Variants in MAGI2 observed in about 807,000 individuals in gnomAD.
MAGI2 encodes the protein membrane associated guanylate kinase, WW and PDZ domain containing 2, also known as membrane-associated guanylate kinase, WW and PDZ domain-containing protein 2.
MAGI2 carries 35 observed loss-of-function variants against 133.3 expected under a neutral mutation model. That is an observed-to-expected ratio of 0.26 (90% CI 0.20 to 0.35). The LOEUF (loss-of-function observed/expected upper bound fraction) is 0.35. MAGI2 is among the 10% of genes least tolerant of loss of function. The pLI, the probability that MAGI2 is intolerant of heterozygous loss-of-function variation, is 1.00. For missense variants in MAGI2, 1,636 were observed against 1,863.4 expected (o/e 0.88, Z 2.25); for synonymous variants, 729 against 710.6 (o/e 1.03, Z -0.41).
intron 1 of MAGI2, among the ~76,000 whole-genome samples, chr7:79,040,965 A>T (rs1332990121): frequency 6.6e-6 from 1 of 152,226 alleles, no homozygotes; most frequent in South Asian, 2.1e-4. Flanking sequence ...ATAATAGATT[A>T]TATATTTCAA....
At chr7:79,257,555 T>C (rs985047328) in intron 1 of MAGI2, among the ~76,000 whole-genome samples, 2 of 152,180 alleles carry the variant, frequency 1.3e-5, no homozygotes, top group Non-Finnish European at 2.9e-5. Flanking sequence ...GTGTTCTGCG[T>C]TGGAGAAAAT....
intron 6 of MAGI2, among the ~76,000 whole-genome samples, chr7:78,384,080 CT>C (rs934758153): frequency 4.5e-5 from 2 of 44,112 alleles, no homozygotes; most frequent in East Asian, 2.5e-4. Flanking sequence ...TATTTGTGCT[CT>C]TTTTTTTTGG....
At chr7:78,287,609 AG>A (rs1404074449) in intron 9 of MAGI2, among the ~76,000 whole-genome samples, 1 of 152,200 alleles carries the variant, frequency 6.6e-6, no homozygotes, top group Non-Finnish European at 1.5e-5. Flanking sequence ...AAATCTGTAT[AG>A]ATGACTACTG....
At chr7:79,066,839 T>C (rs1159095110) in intron 1 of MAGI2, among the ~76,000 whole-genome samples, 1 of 152,194 alleles carries the variant, frequency 6.6e-6, no homozygotes, top group Non-Finnish European at 1.5e-5. Flanking sequence ...CTAGCCAGTT[T>C]TCCCAACACC....
In MAGI2 at chr7:78,019,525, C is replaced by A; in HGVS notation, c.4158G>T (p.Ala1386=). 2.0e-6 allele frequency: 2 copies of A among 980,430 alleles called. No individual in the cohort carries two copies. The highest frequency in any genetic ancestry group is 4.6e-5 in the South Asian group (1 of 21,974). 60.7% of individuals were successfully genotyped at this position (980,430 alleles called of 1,614,324 possible). A position where few individuals can be genotyped will look rare whatever the true frequency, so the allele number is the denominator to read the frequency against. ...CGCCGCCCGGGCCGGCAAACGCCGG[C>A]GCAGCCCCCGGGCCTTCGCGCCGGC... ...ELCRREGPGA[A]PAFAGPGGGG... Residue 1386 remains alanine (A), a synonymous_variant, in exon 22 of 22, where the codon GCG becomes GCT. Coordinates refer to ENST00000354212, the MANE Select transcript of MAGI2 (RefSeq NM_012301.4).
chr7:79,216,573 C>T (rs1830051050), intron 1 of MAGI2, among the ~76,000 whole-genome samples: 2 of 152,004 alleles, frequency 1.3e-5, no homozygotes, highest in Non-Finnish European at 2.9e-5. Flanking sequence ...TACTGTGGGT[C>T]CAGAGCCCAA....
intron 6 of MAGI2, among the ~76,000 whole-genome samples, chr7:78,445,006 G>A (rs1297082301): frequency 2.6e-5 from 4 of 151,498 alleles, no homozygotes; most frequent in African/African-American, 7.3e-5. Context: ...AAATTCCCCT[G>A]TCTTGATACA....
chr7:78,280,655 TATGTTCC>T (rs1340034988), intron 9 of MAGI2, among the ~76,000 whole-genome samples: 1 of 152,034 alleles, frequency 6.6e-6, no homozygotes, highest in Non-Finnish European at 1.5e-5. Flanking sequence ...AGACGTTAAG[TATGTTCC>T]AAGGAACTCA....
intron 2 of MAGI2, among the ~76,000 whole-genome samples, chr7:78,684,765 A>G (rs934976994): frequency 6.6e-6 from 1 of 152,162 alleles, no homozygotes; most frequent in Non-Finnish European, 1.5e-5. Context: ...CTAAAACTTT[A>G]AAGATGTAGC....
At chr7:79,373,285 A>C (rs928889331) in intron 1 of MAGI2, among the ~76,000 whole-genome samples, 15 of 152,024 alleles carry the variant, frequency 9.9e-5, no homozygotes, top group Non-Finnish European at 2.2e-4. Context: ...ATAAAGATTA[A>C]TTAAAATATT....
intron 9 of MAGI2, among the ~76,000 whole-genome samples, chr7:78,267,934 A>G (rs1465214480): frequency 6.6e-6 from 1 of 152,198 alleles, no homozygotes; most frequent in East Asian, 1.9e-4. Context: ...CAATTATTAT[A>G]TGATACTGAA....
At chr7:79,201,089 GCT>G (rs1748135388) in intron 1 of MAGI2, among the ~76,000 whole-genome samples, 1 of 151,976 alleles carries the variant, frequency 6.6e-6, no homozygotes, top group Non-Finnish European at 1.5e-5. Flanking sequence ...GCAGAAATTG[GCT>G]CTTTGTCAGG....
intron 3 of MAGI2, among the ~76,000 whole-genome samples, chr7:78,537,773 G>T (rs1183671221): frequency 1.3e-5 from 2 of 151,542 alleles, no homozygotes; most frequent in Admixed American, 1.3e-4. Context: ...AGTTTGCAAG[G>T]ATTTTCTCCC....
At chr7:78,536,103 CTTTTTTTTTTTTT>C (rs544655465) in intron 3 of MAGI2, among the ~76,000 whole-genome samples, 3 of 59,938 alleles carry the variant, frequency 5.0e-5, no homozygotes, top group South Asian at 8.6e-4. Flanking sequence ...ATGAATTAAA[CTTTTTTTTTTTTT>C]TTTTTTTTTT....
At chr7:78,200,849 A>G (rs979398241) in intron 11 of MAGI2, among the ~76,000 whole-genome samples, 8 of 152,186 alleles carry the variant, frequency 5.3e-5, no homozygotes, top group African/African-American at 2.4e-5. Flanking sequence ...TGAAGACTAC[A>G]TTGTATTGTG....
chr7:78,495,380 C>G (rs2052244), intron 5 of MAGI2, among the ~76,000 whole-genome samples: 99,423 of 152,004 alleles, frequency 0.65, 32,906 homozygotes, highest in African/African-American at 0.76. Flanking sequence ...TTCTGTTCAT[C>G]TGTTAGTTTG....
rs868129469 is a variant in MAGI2, at chr7:78,209,324, C to T, written c.2048-8131G>A. Among the ~76,000 whole-genome samples, 154 of 136,716 alleles carry T rather than the reference C, an allele frequency of 1.1e-3. 1 individual carries two copies. The highest frequency in any genetic ancestry group is 1.0e-3 in the South Asian group (4 of 3,858). The allele number at this position is 136,716 out of a possible 152,430, so 89.7% of individuals were successfully genotyped here. The stretch of plus-strand genomic sequence containing the variant: ...TTGCCCAGGCTGGAGAGCAGTGGCG[C>T]GATCTCGGCTCACTGCAAGCTCCGC... On this transcript the variant is annotated intron_variant, in intron 10 of 21. Transcript: ENST00000354212.
chr7:79,359,703 CACACACACACAG>C (rs1391518159), intron 1 of MAGI2, among the ~76,000 whole-genome samples: 54 of 139,388 alleles, frequency 3.9e-4, no homozygotes, highest in African/African-American at 1.4e-3. Flanking sequence ...CACACACACA[CACACACACACAG>C]AAAACAAAAA....
chr7:78,774,140 A>T (rs1825800329), intron 2 of MAGI2, among the ~76,000 whole-genome samples: 1 of 152,214 alleles, frequency 6.6e-6, no homozygotes, highest in South Asian at 2.1e-4. Flanking sequence ...AATCAAATGC[A>T]GGCCACCTCT....
Sources: gnomAD v4.1 joint callset for allele counts (sites outside exome capture counted in the v4.1 genomes callset) on GRCh38, gnomAD v4.1.1 for gene constraint, MANE v1.5 for transcripts, NCBI Gene and HGNC (gene_info 2026-07-23, HGNC 2026-07-21) for gene names.